TNNI3K: variants seen among roughly 807,000 people sequenced by gnomAD.
TNNI3K encodes the protein serine/threonine-protein kinase TNNI3K.
In TNNI3K, 140 loss-of-function variants were observed where a neutral mutation model predicts 114.5. That is an observed-to-expected ratio of 1.22 (90% CI 1.07 to 1.41). The LOEUF (loss-of-function observed/expected upper bound fraction) is 1.41. Among genes scored for constraint, TNNI3K ranks in the 40% most tolerant of loss-of-function variants. The probability of loss-of-function intolerance (pLI) is 0.00; values close to 1 mark genes in which losing one functional copy is unlikely to be tolerated. For synonymous variants in TNNI3K, 347 were observed against 347.5 expected, an observed-to-expected ratio of 1.00 and a Z score of 0.02; for missense variants, 1,125 against 1,007.6, an observed-to-expected ratio of 1.12 and a Z score of -1.58.
chr1:74,501,888 A>G (rs1669652312), intron 23 of TNNI3K, among the ~76,000 whole-genome samples: 1 of 152,104 alleles, frequency 6.6e-6, no homozygotes, highest in Non-Finnish European at 1.5e-5. Flanking sequence ...ATATATATAT[A>G]TACATTTTCT....
At chr1:74,487,454 G>A (rs185343394) in intron 21 of TNNI3K, among the ~76,000 whole-genome samples, 12 of 152,226 alleles carry the variant, frequency 7.9e-5, no homozygotes, top group African/African-American at 2.6e-4. Context: ...TAGTACTGAC[G>A]GTCCATGGGA....
In TNNI3K at chr1:74,492,168, C is replaced by T. The variant is rs919086792; in HGVS notation, c.2253C>T (p.Asn751=). 6 of 1,612,908 alleles carry T rather than the reference C, an allele frequency of 3.7e-6. No individual in the cohort carries two copies. The highest frequency in any genetic ancestry group is 5.1e-6 in the Non-Finnish European group (6 of 1,179,178). The change falls in exon 23 of 25, where the codon AAC becomes AAT. Residue 751 remains asparagine, a synonymous_variant. Coordinates refer to ENST00000326637, the MANE Select transcript of TNNI3K (RefSeq NM_015978.3). ...SPSSSSDCLV[N]RGGPGRSHVA... Reference sequence around the variant, plus strand: ...CTTCTTCTTCTGATTGCCTGGTGAACCGGGGAGGACCTGGCCGGAGTCATG... The same window carrying T: ...CTTCTTCTTCTGATTGCCTGGTGAATCGGGGAGGACCTGGCCGGAGTCATG...
chr1:74,420,009 A>T (rs1409421662), intron 17 of TNNI3K, among the ~76,000 whole-genome samples: 4 of 152,132 alleles, frequency 2.6e-5, no homozygotes, highest in Non-Finnish European at 5.9e-5. Context: ...GAGAGAATAC[A>T]TTCAAATGGC....
At chr1:74,370,211 A>G in intron 16 of TNNI3K, 77 bp from the exon 17 acceptor site, 2 of 1,264,560 alleles carry the variant, frequency 1.6e-6, no homozygotes, top group Non-Finnish European at 2.1e-6. Flanking sequence ...ATAAAATAAC[A>G]ACTCTTACAC....
At chr1:74,515,606 A>C (rs2100395009) in intron 23 of TNNI3K, among the ~76,000 whole-genome samples, 1 of 152,318 alleles carries the variant, frequency 6.6e-6, no homozygotes, top group Non-Finnish European at 1.5e-5. Context: ...GAGGTCAGAC[A>C]TAACTCAGGG....
At chr1:74,475,193 T>G in intron 21 of TNNI3K, 1 of 575,266 alleles carries the variant, frequency 1.7e-6, no homozygotes, top group Non-Finnish European at 3.1e-6. Flanking sequence ...AGTGCTATAG[T>G]GATTTTTATA....
chr1:74,240,906 A>T (rs997889326), intron 2 of TNNI3K: 11 of 151,718 alleles, frequency 7.3e-5, no homozygotes, highest in African/African-American at 2.7e-4. Context: ...AACATTAGGT[A>T]TATCTCCTAA....
chr1:74,511,344 C>T (rs554503958), intron 23 of TNNI3K, among the ~76,000 whole-genome samples: 24 of 152,300 alleles, frequency 1.6e-4, no homozygotes, highest in African/African-American at 5.8e-4. Context: ...AGGCACACGT[C>T]ACTACACCCT....
Position 74,367,987 on chromosome 1 carries a change from G to C in TNNI3K, c.1321+23G>C, listed in dbSNP as rs550959110. ...AAGGTACCTATAATCTGGGACAATT[G>C]TTATATTTAATTACTAAGGATAACT... On this transcript the variant is annotated intron_variant, in intron 13 of 24. Transcript: ENST00000326637. 5 of 1,533,342 alleles carry C rather than the reference G, an allele frequency of 3.3e-6. No homozygotes were observed. In the African/African-American group the frequency reaches 5.7e-5, roughly 18 times the overall value. The allele number at this position is 1,533,342 out of a possible 1,614,324, so 95.0% of individuals were successfully genotyped here. A position where few individuals can be genotyped will look rare whatever the true frequency, so the allele number is the denominator to read the frequency against.
intron 17 of TNNI3K, among the ~76,000 whole-genome samples, chr1:74,390,995 A>C (rs1663737582): frequency 6.6e-6 from 1 of 151,826 alleles, no homozygotes; most frequent in African/African-American, 2.4e-5. Context: ...TGACTGAAAC[A>C]CACTGGATAA....
chr1:74,376,685 T>A (rs776930009), intron 17 of TNNI3K: 24 of 152,006 alleles, frequency 1.6e-4, no homozygotes, highest in Non-Finnish European at 3.5e-4. Context: ...ATTGAATACA[T>A]GATATGATCT....
At chr1:74,339,025 A>G (rs898682884) in intron 7 of TNNI3K, among the ~76,000 whole-genome samples, 1 of 152,116 alleles carries the variant, frequency 6.6e-6, no homozygotes, top group African/African-American at 2.4e-5. Flanking sequence ...GTCAGGAACT[A>G]CATCACTTTT....
At chr1:74,485,002 CATA>C (rs1668682115) in intron 21 of TNNI3K, among the ~76,000 whole-genome samples, 2 of 152,226 alleles carry the variant, frequency 1.3e-5, no homozygotes, top group South Asian at 4.1e-4. Flanking sequence ...GATTTTTTAT[CATA>C]ATGATGCAAT....
At chr1:74,295,099 A>C (rs1189447710) in intron 5 of TNNI3K, among the ~76,000 whole-genome samples, 1 of 152,058 alleles carries the variant, frequency 6.6e-6, no homozygotes. Context: ...AAATATTTTC[A>C]GATTTCCATT....
intron 4 of TNNI3K, 45 bp from the exon 5 acceptor site, chr1:74,271,553 C>A: frequency 6.6e-7 from 1 of 1,526,610 alleles, no homozygotes; most frequent in Non-Finnish European, 8.9e-7. Flanking sequence ...GCTTTTGAAC[C>A]TGTTATTAGC....
chr1:74,462,703 G>A (rs1667502544), intron 20 of TNNI3K, among the ~76,000 whole-genome samples: 1 of 152,156 alleles, frequency 6.6e-6, no homozygotes, highest in Non-Finnish European at 1.5e-5. Context: ...TTCTAAGGGA[G>A]TATAGAAATC....
intron 4 of TNNI3K, among the ~76,000 whole-genome samples, chr1:74,253,299 G>A (rs1336662114): frequency 2.0e-5 from 3 of 152,204 alleles, no homozygotes; most frequent in East Asian, 1.9e-4. Context: ...CACAGGGGCC[G>A]CAGGTGGAGC....
At chr1:74,239,880 GGGAAAT>G (rs953258621) in intron 2 of TNNI3K, 40 of 459,118 alleles carry the variant, frequency 8.7e-5, no homozygotes, top group African/African-American at 7.0e-4. Context: ...TGGGAGAGAG[GGGAAAT>G]GGAAATGGAA....
intron 6 of TNNI3K, among the ~76,000 whole-genome samples, chr1:74,331,902 A>C (rs138075286): frequency 6.7e-4 from 102 of 152,258 alleles, no homozygotes; most frequent in African/African-American, 2.4e-3. Context: ...GAAAGATATT[A>C]ATTATAACCT....
Sources: allele counts gnomAD v4.1 joint callset (sites outside exome capture counted in the v4.1 genomes callset), GRCh38; gene constraint gnomAD v4.1.1; transcripts MANE v1.5; gene names NCBI Gene and HGNC (gene_info 2026-07-23, HGNC 2026-07-21).